MYH11: variants seen among roughly 807,000 people sequenced by gnomAD.
MYH11 encodes myosin heavy chain 11.
A neutral mutation model predicts 246.6 loss-of-function variants in MYH11; 80 were observed. The observed-to-expected ratio is 0.32, with a 90% confidence interval of 0.27 to 0.39. The LOEUF is 0.39. MYH11 is among the 10% of genes least tolerant of loss of function. MYH11 has a pLI of 1.00. For synonymous variants in MYH11, 1,071 were observed against 1,015.5 expected, an observed-to-expected ratio of 1.05 and a Z score of -1.04; for missense variants, 2,158 against 2,546.8, an observed-to-expected ratio of 0.85 and a Z score of 3.29.
At chr16:15,724,568 CCGCGATCTGCCTGCGGGGGATCTCAG>C in intron 30 of MYH11, 53 bp downstream of exon 30, 2 of 1,610,442 alleles carry the variant, frequency 1.2e-6, no homozygotes, top group Non-Finnish European at 1.7e-6. Context: ...CAACACTCCA[CCGCGATCTGCCTGCGGGGGATCTCAG>C]CGCAGAGAAG....
intron 2 of MYH11, among the ~76,000 whole-genome samples, chr16:15,836,310 C>G (rs754592656): frequency 7.3e-4 from 111 of 152,262 alleles, no homozygotes; most frequent in Non-Finnish European, 1.5e-3. Context: ...CTACCCAGTA[C>G]ACCAGCCACT....
chr16:15,706,145 A>G (rs896282823), intron 40 of MYH11, among the ~76,000 whole-genome samples: 2 of 152,178 alleles, frequency 1.3e-5, no homozygotes, highest in African/African-American at 4.8e-5. Flanking sequence ...GCGATCAGGA[A>G]TAAATACTTA....
chr16:15,839,533 A>G (rs1459525647), intron 1 of MYH11, among the ~76,000 whole-genome samples: 4 of 151,952 alleles, frequency 2.6e-5, no homozygotes, highest in African/African-American at 4.8e-5. Context: ...GTCTCTACTA[A>G]AAATACAAAT....
chr16:15,753,245 GAGACATCACCAGCCCATGC>G (rs2041621138), intron 15 of MYH11, 130 bp downstream of exon 15: 2 of 740,270 alleles, frequency 2.7e-6, no homozygotes, highest in Non-Finnish European at 4.8e-6. Flanking sequence ...TTGTTTCAAC[GAGACATCACCAGCCCATGC>G]CAATGCTCTT....
intron 1 of MYH11, among the ~76,000 whole-genome samples, chr16:15,840,503 A>T (rs1330696874): frequency 6.6e-6 from 1 of 152,206 alleles, no homozygotes; most frequent in Non-Finnish European, 1.5e-5. Flanking sequence ...AAGCTGAGAC[A>T]GGAGGATCCC....
intron 5 of MYH11, chr16:15,786,282 A>G: frequency 2.5e-6 from 1 of 408,152 alleles, no homozygotes; most frequent in Non-Finnish European, 4.7e-6. Flanking sequence ...ACATTCTACG[A>G]GCCACAGGGA....
chr16:15,717,835 G>C (rs1369262870), intron 37 of MYH11: 5 of 262,918 alleles, frequency 1.9e-5, no homozygotes, highest in South Asian at 9.5e-5. Flanking sequence ...TGCCACCCAG[G>C]CTGAGCGAGT....
rs745429737 is a variant in MYH11 at position 15,741,813 on chromosome 16, G to A, written c.2599C>T (p.Arg867Trp). The A allele has an allele frequency of 9.9e-6, 16 of 1,613,988 alleles. No homozygotes were observed. The highest frequency in any genetic ancestry group is 6.7e-5 in the Admixed American group (4 of 59,982). ...KEDELQKTKE[R>W]QQKAENELKE... ...AGCTCATTCTCTGCCTTCTGCTGCC[G>A]CTCCTTGGTCTTCTGCAGTTCATCC... The change falls in exon 21 of 41, where the codon CGG (arginine) becomes TGG (tryptophan). Residue 867 changes from arginine to tryptophan, a missense_variant. By Grantham distance (101) the Arg-to-Trp change is moderately radical. Coordinates refer to ENST00000300036, the MANE Select transcript of MYH11 (RefSeq NM_002474.3).
chr16:15,718,190 C>G (rs1338840328), intron 37 of MYH11, 125 bp downstream of exon 37: 4 of 1,499,722 alleles, frequency 2.7e-6, no homozygotes, highest in Admixed American at 1.7e-5. Context: ...CAGGCCCCAC[C>G]ACCCTCTTGT....
In MYH11 at chr16:15,757,810, G is replaced by A. The variant is rs201890998; in HGVS notation, c.1575+17C>T. On this transcript the variant is annotated intron_variant, in intron 13 of 40. Coordinates refer to ENST00000300036, the MANE Select transcript of MYH11 (RefSeq NM_002474.3). Reference sequence around the variant, plus strand: ...TACAAGGTGTGACGGAGCCCCGCACGCCCACGTGCCCCTCACCGGTCGCTC... The same window carrying A: ...TACAAGGTGTGACGGAGCCCCGCACACCCACGTGCCCCTCACCGGTCGCTC... 66 of 1,614,014 alleles carry A rather than the reference G, an allele frequency of 4.1e-5. No homozygotes were observed. Among genetic ancestry groups the A allele is most frequent in the Non-Finnish European group, 5.2e-5 (61 of 1,180,030 alleles).
chr16:15,774,266 T>C (rs565316271), intron 8 of MYH11, among the ~76,000 whole-genome samples: 10 of 152,230 alleles, frequency 6.6e-5, no homozygotes, highest in Admixed American at 6.5e-5. Flanking sequence ...TCTAAAAGCC[T>C]AACATCTTTC....
chr16:15,845,879 G>A (rs2044178148), intron 1 of MYH11, among the ~76,000 whole-genome samples: 1 of 152,084 alleles, frequency 6.6e-6, no homozygotes, highest in Non-Finnish European at 1.5e-5. Flanking sequence ...ATAACTTGAG[G>A]TCAGGAGTTT....
chr16:15,853,124 G>T (rs925489880), intron 1 of MYH11, among the ~76,000 whole-genome samples: 1 of 152,044 alleles, frequency 6.6e-6, no homozygotes, highest in Admixed American at 6.6e-5. Flanking sequence ...GTATTTTTCA[G>T]CCTGGTACAG....
rs769321167 is a variant in MYH11, at chr16:15,757,818, GC to G, written c.1575+8del. Reference sequence around the variant, plus strand: ...GTGACGGAGCCCCGCACGCCCACGTGCCCCTCACCGGTCGCTCGATGAGCTC... The same window carrying G: ...GTGACGGAGCCCCGCACGCCCACGTGCCCTCACCGGTCGCTCGATGAGCTC... On this transcript the variant is annotated splice_region_variant and intron_variant, in intron 13 of 40. Coordinates refer to ENST00000300036, the MANE Select transcript of MYH11 (RefSeq NM_002474.3). 863 of 1,614,186 alleles carry G rather than the reference GC, an allele frequency of 5.3e-4. 1 individual carries two copies. The highest frequency in any genetic ancestry group is 6.9e-4 in the Non-Finnish European group (819 of 1,180,030).
chr16:15,831,419 A>T (rs1056926161), intron 2 of MYH11, among the ~76,000 whole-genome samples: 10 of 152,080 alleles, frequency 6.6e-5, no homozygotes, highest in African/African-American at 2.2e-4. Flanking sequence ...TGGAAAAAAA[A>T]TCATACTGCA....
intron 3 of MYH11, among the ~76,000 whole-genome samples, chr16:15,804,351 G>T (rs781281040): frequency 6.6e-6 from 1 of 151,992 alleles, no homozygotes; most frequent in African/African-American, 2.4e-5. Flanking sequence ...GCAAAACCCC[G>T]TCTCTACCAA....
chr16:15,763,949 A>T, intron 9 of MYH11, 58 bp from the exon 10 acceptor site: 1 of 1,432,116 alleles, frequency 7.0e-7, no homozygotes. Flanking sequence ...GGTACCCTGG[A>T]GTTTTGGAGC....
intron 2 of MYH11, 121 bp downstream of exon 2, chr16:15,837,787 G>A (rs753703838): frequency 1.7e-4 from 142 of 860,302 alleles, no homozygotes; most frequent in Non-Finnish European, 2.4e-4. Context: ...TGCCCACCTC[G>A]GCCTCCCAAA....
At chr16:15,717,022 A>T in intron 38 of MYH11, 118 bp downstream of exon 38, 1 of 1,109,280 alleles carries the variant, frequency 9.0e-7, no homozygotes, top group Non-Finnish European at 1.4e-6. Context: ...TGTAGGCATC[A>T]CAGAGCTTGC....
Sources: allele counts gnomAD v4.1 joint callset (sites outside exome capture counted in the v4.1 genomes callset), GRCh38; gene constraint gnomAD v4.1.1; transcripts MANE v1.5; gene names NCBI Gene and HGNC (gene_info 2026-07-23, HGNC 2026-07-21).